The following PDE3A variants were observed in gnomAD, a reference collection of about 807,000 sequenced individuals.
The protein encoded by PDE3A is phosphodiesterase 3A.
A neutral mutation model predicts 98.3 loss-of-function variants in PDE3A; 43 were observed. The ratio of observed to expected loss-of-function variants is 0.44; its 90% confidence interval spans 0.34 to 0.56. The LOEUF (loss-of-function observed/expected upper bound fraction) is 0.56. Ranked by LOEUF, PDE3A falls within the 20% of genes least tolerant of loss-of-function variation. The pLI is 0.01. For synonymous variants in PDE3A, 663 were observed against 567.9 expected (o/e 1.17, Z -2.38); for missense variants, 1,427 against 1,440.7 (o/e 0.99, Z 0.15).
At chr12:20,497,367 T>C (rs1047145752) in intron 1 of PDE3A, among the ~76,000 whole-genome samples, 1 of 151,720 alleles carries the variant, frequency 6.6e-6, no homozygotes, top group Non-Finnish European at 1.5e-5. Context: ...AACTGATTAT[T>C]TGAAATGTAA....
chr12:20,564,781 T>C (rs1942613669), intron 2 of PDE3A, among the ~76,000 whole-genome samples: 1 of 152,150 alleles, frequency 6.6e-6, no homozygotes, highest in African/African-American at 2.4e-5. Flanking sequence ...TCCCCATGTT[T>C]ATAGATTAGT....
At position 20,683,565 on chromosome 12, in the gene PDE3A, T is replaced by C. The variant is rs1030892626; in HGVS notation, c.*3294T>C. The C allele has an allele frequency of 1.3e-5, 2 of 152,190 alleles. No homozygotes were observed. The highest frequency in any genetic ancestry group is 6.5e-5 in the Admixed American group (1 of 15,276). 9.4% of individuals were successfully genotyped at this position (152,190 alleles called of 1,614,324 possible). A position where few individuals can be genotyped will look rare whatever the true frequency, so the allele number is the denominator to read the frequency against. ...ATGCTAATAAATGTCTTTCCGGTTA[T>C]ATATCTATCTAAATTAACCTTTAAA... On this transcript the variant is annotated 3_prime_UTR_variant, in exon 16 of 16. Transcript: ENST00000359062.
intron 1 of PDE3A, among the ~76,000 whole-genome samples, chr12:20,453,531 A>C (rs988950841): frequency 2.6e-5 from 4 of 152,148 alleles, no homozygotes; most frequent in Non-Finnish European, 2.9e-5. Flanking sequence ...TACAGGTGGC[A>C]AAAACAATGG....
intron 2 of PDE3A, among the ~76,000 whole-genome samples, chr12:20,594,354 A>G (rs1037378600): frequency 5.3e-5 from 8 of 152,168 alleles, no homozygotes; most frequent in African/African-American, 1.9e-4. Flanking sequence ...AAAAGAAAAA[A>G]TATTATTTGC....
Position 20,646,933 on chromosome 12 carries a change from G to A in PDE3A, c.2548G>A (p.Ala850Thr), listed in dbSNP as rs1944789042. The change falls in exon 12 of 16, where the codon GCA (alanine) becomes ACA (threonine). Residue 850 changes from alanine to threonine, a missense_variant. Physicochemically the swap from Ala to Thr is moderately conservative, Grantham distance 58 (BLOSUM62 0). Transcript: ENST00000359062. Reference sequence around the variant, plus strand: ...AGGAAGGACTAATGCTTTCCTGGTTGCAACTAGTGCTCCTCAGGTAAATCT... The same window carrying A: ...AGGAAGGACTAATGCTTTCCTGGTTACAACTAGTGCTCCTCAGGTAAATCT... ...HPGRTNAFLVATSAPQAVLYN... is the reference protein window; with the variant it reads ...HPGRTNAFLVTTSAPQAVLYN... 6.2e-7 allele frequency: 1 copy of A among 1,612,402 alleles called. No individual in the cohort carries two copies. The highest frequency in any genetic ancestry group is 1.3e-5 in the African/African-American group (1 of 74,872).
intron 1 of PDE3A, among the ~76,000 whole-genome samples, chr12:20,508,799 C>G (rs1304622726): frequency 9.4e-6 from 1 of 106,518 alleles, no homozygotes; most frequent in Non-Finnish European, 1.8e-5. Context: ...AATAATTAAC[C>G]AAGTAGTTGA....
intron 2 of PDE3A, among the ~76,000 whole-genome samples, chr12:20,565,823 C>G (rs949668356): frequency 6.6e-6 from 1 of 151,816 alleles, no homozygotes; most frequent in Non-Finnish European, 1.5e-5. Context: ...TTTCTAATAG[C>G]ATTAACATCT....
At chr12:20,597,432 A>G (rs1364980821) in intron 2 of PDE3A, among the ~76,000 whole-genome samples, 1 of 152,158 alleles carries the variant, frequency 6.6e-6, no homozygotes, top group East Asian at 1.9e-4. Flanking sequence ...AGTGATAAGT[A>G]TGTTTGCTAT....
chr12:20,509,096 G>A (rs1001666323), intron 1 of PDE3A, among the ~76,000 whole-genome samples: 3 of 151,956 alleles, frequency 2.0e-5, no homozygotes, highest in African/African-American at 7.2e-5. Context: ...GCGTCATCAA[G>A]AGCTGTTCTC....
intron 1 of PDE3A, among the ~76,000 whole-genome samples, chr12:20,532,687 C>CT (rs137966114): frequency 1.0e-3 from 112 of 107,870 alleles, no homozygotes; most frequent in African/African-American, 3.0e-3. Context: ...GTTTCTCTCT[C>CT]TTTTTTTTTT....
At chr12:20,599,246 C>T (rs961376254) in intron 2 of PDE3A, among the ~76,000 whole-genome samples, 5 of 152,108 alleles carry the variant, frequency 3.3e-5, no homozygotes, top group African/African-American at 9.7e-5. Context: ...TAGACCTGTT[C>T]TTTCACCTCA....
chr12:20,518,083 A>AT (rs1458803050), intron 1 of PDE3A, among the ~76,000 whole-genome samples: 1 of 152,184 alleles, frequency 6.6e-6, no homozygotes, highest in African/African-American at 2.4e-5. Context: ...TACTATTTGA[A>AT]TATCAAAATA....
Position 20,413,204 on chromosome 12 carries a change from T to G in PDE3A, c.960+42960T>G, listed in dbSNP as rs999030040. ...GGACCAGTGAAAACCTTTGAGAAAG[T>G]GTTCTTTAAACAAAGACTTGAAAGT... On this transcript the variant is annotated intron_variant, in intron 1 of 15. Coordinates refer to ENST00000359062, the MANE Select transcript of PDE3A (RefSeq NM_000921.5). 2.6e-5 allele frequency among the ~76,000 whole-genome samples: 4 copies of G among 152,298 alleles called. No individual in the cohort carries two copies. In the East Asian group the frequency reaches 7.7e-4, roughly 29 times the overall value.
chr12:20,529,085 G>A (rs1472735749), intron 1 of PDE3A, among the ~76,000 whole-genome samples: 3 of 152,094 alleles, frequency 2.0e-5, no homozygotes, highest in African/African-American at 4.8e-5. Flanking sequence ...GGCTAGAAAG[G>A]TCTTGGAGAT....
At chr12:20,471,792 TGC>T (rs1463033608) in intron 1 of PDE3A, among the ~76,000 whole-genome samples, 6 of 152,204 alleles carry the variant, frequency 3.9e-5, no homozygotes, top group Non-Finnish European at 8.8e-5. Flanking sequence ...TGATATATGA[TGC>T]CTTTCTAAAG....
intron 1 of PDE3A, among the ~76,000 whole-genome samples, chr12:20,474,416 T>A (rs1945493055): frequency 6.6e-6 from 1 of 152,192 alleles, no homozygotes; most frequent in Non-Finnish European, 1.5e-5. Context: ...AGGACAAAAA[T>A]TATCTTTCAA....
At chr12:20,518,564 AT>A (rs1380841346) in intron 1 of PDE3A, among the ~76,000 whole-genome samples, 2 of 14,832 alleles carry the variant, frequency 1.3e-4, no homozygotes, top group East Asian at 0.083. Context: ...CTATTCTGTC[AT>A]TAAAAAAAAA....
intron 1 of PDE3A, among the ~76,000 whole-genome samples, chr12:20,491,577 G>A (rs1945826771): frequency 2.6e-5 from 4 of 152,138 alleles, no homozygotes; most frequent in Admixed American, 2.0e-4. Flanking sequence ...TCACTAGGGG[G>A]ACTTTTGACC....
chr12:20,665,056 T>C (rs1423437353), intron 15 of PDE3A, among the ~76,000 whole-genome samples: 1 of 152,204 alleles, frequency 6.6e-6, no homozygotes, highest in Non-Finnish European at 1.5e-5. Flanking sequence ...CCTGTCCTAA[T>C]CCAGTCACCA....
Sources: allele counts gnomAD v4.1 joint callset (sites outside exome capture counted in the v4.1 genomes callset), GRCh38; gene constraint gnomAD v4.1.1; transcripts MANE v1.5; gene names NCBI Gene and HGNC (gene_info 2026-07-23, HGNC 2026-07-21).